ROCK1: variants seen among roughly 807,000 people sequenced by gnomAD.
The protein encoded by ROCK1 is rho-associated protein kinase 1.
A neutral mutation model predicts 196.8 loss-of-function variants in ROCK1; 36 were observed. That is an observed-to-expected ratio of 0.18 (90% CI 0.14 to 0.24). The LOEUF is 0.24. Among genes scored for constraint, ROCK1 ranks in the 10% least tolerant of loss-of-function variants. The probability of loss-of-function intolerance (pLI) is 1.00; values close to 1 mark genes in which losing one functional copy is unlikely to be tolerated. For missense variants in ROCK1, 920 were observed against 1,562.0 expected, an observed-to-expected ratio of 0.59 and a Z score of 6.93; for synonymous variants, 443 against 515.9, an observed-to-expected ratio of 0.86 and a Z score of 1.91.
chr18:20,955,365 A>G (rs562493904), intron 29 of ROCK1, 120 bp from the exon 30 acceptor site: 1 of 947,712 alleles, frequency 1.1e-6, no homozygotes, highest in South Asian at 1.9e-5. Context: ...ATCATCAGTC[A>G]TTAGAGAAAT....
At chr18:21,014,262 C>T (rs1441957185) in intron 13 of ROCK1, among the ~76,000 whole-genome samples, 2 of 152,122 alleles carry the variant, frequency 1.3e-5, no homozygotes, top group African/African-American at 4.8e-5. Context: ...GGCACCCCGT[C>T]TAGGATACAT....
intron 22 of ROCK1, among the ~76,000 whole-genome samples, chr18:20,976,152 G>C (rs924216076): frequency 4.9e-5 from 7 of 143,092 alleles, no homozygotes; most frequent in Non-Finnish European, 1.0e-4. Flanking sequence ...AGTGCCCCCT[G>C]CATCTATATA....
At chr18:21,104,570 C>G (rs2143606572) in intron 1 of ROCK1, among the ~76,000 whole-genome samples, 1 of 152,162 alleles carries the variant, frequency 6.6e-6, no homozygotes, top group South Asian at 2.1e-4. Flanking sequence ...GCACTTCGGA[C>G]TGGGCGGAAA....
At chr18:21,044,053 GCATCTA>G (rs2036134314) in intron 6 of ROCK1, 43 bp downstream of exon 6, 7 of 1,078,000 alleles carry the variant, frequency 6.5e-6, no homozygotes, top group Non-Finnish European at 8.4e-6. Flanking sequence ...TTCTAAAGAA[GCATCTA>G]CCTTGAATTA....
chr18:20,999,588 T>C (rs751400222), intron 16 of ROCK1, among the ~76,000 whole-genome samples: 5 of 152,086 alleles, frequency 3.3e-5, no homozygotes, highest in Non-Finnish European at 7.4e-5. Flanking sequence ...AGGAAGAAAT[T>C]TGTATATAGA....
chr18:20,984,358 G>T lies in ROCK1; in HGVS notation c.2482C>A (p.Leu828Ile), dbSNP rs1430204451. The T allele has an allele frequency of 6.3e-7, 1 of 1,599,140 alleles. No individual in the cohort carries two copies. Among genetic ancestry groups the T allele is most frequent in the South Asian group, 1.1e-5 (1 of 89,262 alleles). The change falls in exon 20 of 33, where the codon CTT becomes ATT. Residue 828 changes from leucine to isoleucine, a missense_variant. Leu to Ile is a conservative substitution (Grantham distance 5). This residue lies in a region of ROCK1 where 520 missense variants were observed against 657.1 expected (regional missense o/e 0.79). Transcript: ENST00000399799. The part of the protein sequence containing the change: ...KRLLEFELAQ[L>I]TKQYRGNEGQ... ...GTTATTTTAAAGACTTACTTCGTAAGCTGAGCTAACTCAAATTCTAATAAT... is the reference window on the plus strand; with the variant it reads ...GTTATTTTAAAGACTTACTTCGTAATCTGAGCTAACTCAAATTCTAATAAT...
At position 21,006,784 on chromosome 18, in the gene ROCK1, G is replaced by A; in HGVS notation, c.1553C>T (p.Thr518Ile). Residue 518 changes from threonine (T) to isoleucine (I), a missense_variant, in exon 15 of 33, where the codon ACA (threonine) becomes ATA (isoleucine). Physicochemically the swap from Thr to Ile is moderately conservative, Grantham distance 89 (BLOSUM62 -1). Transcript: ENST00000399799. ...KRRNVENEVS[T>I]LKDQLEDLKK... is the part of the protein sequence containing the mutation. ...TAAGTCTTCCAACTGATCCTTTAATGTAGAAACTAGAAAATGAAAGAATAA... is the reference window on the plus strand; with the variant it reads ...TAAGTCTTCCAACTGATCCTTTAATATAGAAACTAGAAAATGAAAGAATAA... 2.6e-6 allele frequency: 4 copies of A among 1,559,938 alleles called. No homozygotes were observed. Among genetic ancestry groups the A allele is most frequent in the Non-Finnish European group, 3.5e-6 (4 of 1,148,836 alleles).
intron 9 of ROCK1, among the ~76,000 whole-genome samples, chr18:21,032,327 G>T (rs2036015626): frequency 6.6e-6 from 1 of 151,896 alleles, no homozygotes; most frequent in Non-Finnish European, 1.5e-5. Context: ...TTTCAATTTA[G>T]AATGTTAAGT....
At chr18:20,982,131 C>CT (rs2035538555) in intron 21 of ROCK1, among the ~76,000 whole-genome samples, 1 of 152,220 alleles carries the variant, frequency 6.6e-6, no homozygotes, top group Admixed American at 6.5e-5. Flanking sequence ...GATGACTGCT[C>CT]TGTGGAAGCA....
rs150036806 is a variant in ROCK1 at position 21,022,682 on chromosome 18, G to A, written c.1272+938C>T. ...TGATGTCAGGCTTTCTCTGAGCTAC[G>A]ATAAGATTTTCTCTCTTTGCTCCTT... On this transcript the variant is annotated intron_variant, in intron 11 of 32. Transcript: ENST00000399799. Among the ~76,000 whole-genome samples the A allele has an allele frequency of 2.0e-5, 3 of 152,094 alleles. No individual in the cohort carries two copies. In the East Asian group the frequency reaches 5.8e-4, roughly 29 times the overall value.
At chr18:21,053,759 C>G (rs866398990) in intron 2 of ROCK1, among the ~76,000 whole-genome samples, 1 of 152,130 alleles carries the variant, frequency 6.6e-6, no homozygotes, top group South Asian at 2.1e-4. Flanking sequence ...ACTGCTTGAG[C>G]CTAGGAGTTC....
At position 21,080,985 on chromosome 18, in the gene ROCK1, A is replaced by G. The variant is rs550713897; in HGVS notation, c.94-10372T>C. ...CAGAAGATTAATAAAAAAACAGAGGACATGAACGACACTATAAACCAACTG... is the reference window on the plus strand; with the variant it reads ...CAGAAGATTAATAAAAAAACAGAGGGCATGAACGACACTATAAACCAACTG... On this transcript the variant is annotated intron_variant, in intron 1 of 32. Coordinates refer to ENST00000399799, the MANE Select transcript of ROCK1 (RefSeq NM_005406.3). 2.4e-4 allele frequency among the ~76,000 whole-genome samples: 37 copies of G among 152,170 alleles called. 1 individual carries two copies. The highest frequency in any genetic ancestry group is 4.7e-4 in the Non-Finnish European group (32 of 68,012).
chr18:21,100,586 T>TAA (rs751539363), intron 1 of ROCK1, among the ~76,000 whole-genome samples: 4 of 139,678 alleles, frequency 2.9e-5, no homozygotes, highest in East Asian at 2.0e-4. Flanking sequence ...GCCAAAAATT[T>TAA]AAAAAAAAAA....
rs1478171493 is a variant in ROCK1, at chr18:20,959,030, TA to T, written c.3512+809del. 7.7e-4 allele frequency among the ~76,000 whole-genome samples: 52 copies of T among 67,674 alleles called. 1 individual carries two copies. The highest frequency in any genetic ancestry group is 4.2e-3 in the African/African-American group (47 of 11,292). The allele number at this position is 67,674 out of a possible 152,430, so 44.4% of individuals were successfully genotyped here. On this transcript the variant is annotated intron_variant, in intron 29 of 32. Coordinates refer to ENST00000399799, the MANE Select transcript of ROCK1 (RefSeq NM_005406.3). ...TTTTATATAATATATATAATATATA[TA>T]TTTTATATAATATATAATATATATA...
At chr18:20,969,257 G>A (rs370971444) in intron 23 of ROCK1, 49 bp from the exon 24 acceptor site, 95 of 1,146,450 alleles carry the variant, frequency 8.3e-5, no homozygotes, top group Admixed American at 1.1e-4. Context: ...TGCTATTCTC[G>A]TATTTCAGGC....
intron 1 of ROCK1, among the ~76,000 whole-genome samples, chr18:21,091,998 A>G (rs962102127): frequency 4.7e-5 from 7 of 149,110 alleles, no homozygotes; most frequent in African/African-American, 7.8e-5. Context: ...AATAAAATAA[A>G]AAACTGTTAA....
intron 6 of ROCK1, 108 bp downstream of exon 6, chr18:21,043,994 T>C: frequency 4.5e-6 from 3 of 666,052 alleles, no homozygotes; most frequent in Non-Finnish European, 5.2e-6. Flanking sequence ...CAAGTCCAGC[T>C]ATGGTTAGTA....
chr18:20,959,087 T>A (rs865888296), intron 29 of ROCK1, among the ~76,000 whole-genome samples: 1,395 of 30,232 alleles, frequency 0.046, 187 homozygotes, highest in African/African-American at 0.22. Flanking sequence ...TATATATATT[T>A]TATATAATAT....
At chr18:21,084,970 T>C (rs111540701) in intron 1 of ROCK1, among the ~76,000 whole-genome samples, 43 of 152,288 alleles carry the variant, frequency 2.8e-4, no homozygotes, top group African/African-American at 9.4e-4. Flanking sequence ...CTGTAAACAT[T>C]ATGCTAAATG....
Sources: allele counts gnomAD v4.1 joint callset (sites outside exome capture counted in the v4.1 genomes callset), GRCh38; gene constraint gnomAD v4.1.1; regional missense constraint gnomAD v4.1.1; transcripts MANE v1.5; gene names NCBI Gene and HGNC (gene_info 2026-07-23, HGNC 2026-07-21).